Variants in BNC1 observed in about 807,000 individuals in gnomAD.
The protein encoded by BNC1 is zinc finger protein basonuclin-1.
A neutral mutation model predicts 66.5 loss-of-function variants in BNC1; 8 were observed. The ratio of observed to expected loss-of-function variants is 0.12; its 90% CI spans 0.07 to 0.22. The LOEUF is 0.22. Ranked by LOEUF, BNC1 falls within the 10% of genes least tolerant of loss-of-function variation. The pLI is 1.00. For synonymous variants in BNC1, 454 were observed against 452.6 expected (o/e 1.00, Z -0.04); for missense variants, 1,069 against 1,241.3 (o/e 0.86, Z 2.09).
chr15:83,263,412 T>G lies in BNC1; in HGVS notation c.1839A>C (p.Ser613=). 6.2e-7 allele frequency: 1 copy of G among 1,614,220 alleles called. No homozygotes were observed. Among genetic ancestry groups the G allele is most frequent in the Non-Finnish European group, 8.5e-7 (1 of 1,180,040 alleles). Residue 613 remains serine (S), a synonymous_variant, in exon 4 of 5, where the codon TCA becomes TCC. Transcript: ENST00000345382. ...PEGERPCHRE[S]VIESSGAISQ... ...TGATGGCTCCACTGGACTCAATTAC[T>G]GATTCACGATGGCAGGGCCTCTCCC... is the stretch of plus-strand genomic sequence containing the variant.
At chr15:83,283,377 A>G in intron 1 of BNC1, 1 of 1,344,638 alleles carries the variant, frequency 7.4e-7, no homozygotes, top group African/African-American at 1.6e-5. Flanking sequence ...GAGCAGCGGG[A>G]GACCCCGCAG....
At chr15:83,266,675 C>T (rs539172878) in intron 3 of BNC1, among the ~76,000 whole-genome samples, 161 bp downstream of exon 3, 4 of 151,972 alleles carry the variant, frequency 2.6e-5, no homozygotes, top group Non-Finnish European at 5.9e-5. Context: ...TGGACTCCCC[C>T]CAAGAACATG....
chr15:83,283,815 G>C (rs1567197632), intron 1 of BNC1, among the ~76,000 whole-genome samples: 1 of 152,244 alleles, frequency 6.6e-6, no homozygotes, highest in Non-Finnish European at 1.5e-5. Flanking sequence ...CACGGTCAAC[G>C]CTCGGTCTGT....
In BNC1 at chr15:83,275,677, G is replaced by A. The variant is rs2038314179; in HGVS notation, c.100-7445C>T. Among the ~76,000 whole-genome samples the A allele has an allele frequency of 2.0e-5, 3 of 152,082 alleles. No individual in the cohort carries two copies. The South Asian group carries it at 6.2e-4, about 32-fold the overall frequency. On this transcript the variant is annotated intron_variant, in intron 1 of 4. Coordinates refer to ENST00000345382, the MANE Select transcript of BNC1 (RefSeq NM_001717.4). ...GGTCATGTGCAGACTGGAGAGAGAG[G>A]AAGTATTTAAGGGAGAAGGCATAGC...
At chr15:83,284,318 G>T (rs910950071) in intron 1 of BNC1, among the ~76,000 whole-genome samples, 1 of 151,856 alleles carries the variant, frequency 6.6e-6, no homozygotes, top group Admixed American at 6.6e-5. Context: ...GGCAGGGACG[G>T]GTCCCAGAGC....
Position 83,264,499 on chromosome 15 carries a change from G to C in BNC1, c.752C>G (p.Pro251Arg). 1 of 1,614,168 alleles carries C rather than the reference G, an allele frequency of 6.2e-7. No homozygotes were observed. Among genetic ancestry groups the C allele is most frequent in the South Asian group, 1.1e-5 (1 of 91,086 alleles). ...TGACCCTATCAGTGCAGGAGGCAGA[G>C]GGTTGAAGAACTGGAAAGGCAGCAT... The part of the protein sequence containing the change: ...TFMLPFQFFN[P>R]LPPALIGSLP... The change falls in exon 4 of 5, where the codon CCT becomes CGT. Residue 251 changes from proline to arginine, a missense_variant. Pro to Arg is a moderately radical substitution (Grantham distance 103). Transcript: ENST00000345382.
chr15:83,273,467 G>A (rs1255775524), intron 1 of BNC1, among the ~76,000 whole-genome samples: 1 of 152,192 alleles, frequency 6.6e-6, no homozygotes, highest in Non-Finnish European at 1.5e-5. Flanking sequence ...ACATAAAGCA[G>A]ATGTTTACAA....
At chr15:83,258,255 G>GC in intron 4 of BNC1, 129 bp from the exon 5 acceptor site, 1 of 928,560 alleles carries the variant, frequency 1.1e-6, no homozygotes. Context: ...AAGGGGGTAG[G>GC]CCCCCATGGG....
intron 4 of BNC1, among the ~76,000 whole-genome samples, chr15:83,261,753 T>G (rs1428965401): frequency 6.6e-6 from 1 of 152,182 alleles, no homozygotes; most frequent in African/African-American, 2.4e-5. Flanking sequence ...TCATGAAAAC[T>G]CAGGATCTTT....
In BNC1 at chr15:83,257,841, C is replaced by G. The variant is rs142800358; in HGVS notation, c.2586G>C (p.Ser862=). 6.2e-7 allele frequency: 1 copy of G among 1,614,008 alleles called. No homozygotes were observed. The highest frequency in any genetic ancestry group is 8.5e-7 in the Non-Finnish European group (1 of 1,180,028). ...EGTILDLSTT[S]SMKSESSSHS... ...GGCTGCTACTCTCTGACTTCATGCTCGAGGTAGTGCTCAAATCCAGGATGG... is the reference window on the plus strand; with the variant it reads ...GGCTGCTACTCTCTGACTTCATGCTGGAGGTAGTGCTCAAATCCAGGATGG... The change falls in exon 5 of 5, where the codon TCG becomes TCC. Residue 862 remains serine, a synonymous_variant. Coordinates refer to ENST00000345382, the MANE Select transcript of BNC1 (RefSeq NM_001717.4).
intron 1 of BNC1, among the ~76,000 whole-genome samples, chr15:83,268,699 G>A (rs2038241290): frequency 6.6e-6 from 1 of 152,150 alleles, no homozygotes; most frequent in South Asian, 2.1e-4. Flanking sequence ...GGTAGAAGCT[G>A]AAAATACAAA....
intron 2 of BNC1, among the ~76,000 whole-genome samples, chr15:83,267,328 G>C (rs1264978479): frequency 6.6e-6 from 1 of 152,066 alleles, no homozygotes; most frequent in African/African-American, 2.4e-5. Flanking sequence ...AAACAAGGAA[G>C]GAATAAGGAA....
At chr15:83,272,143 A>G (rs188271949) in intron 1 of BNC1, among the ~76,000 whole-genome samples, 1 of 152,370 alleles carries the variant, frequency 6.6e-6, no homozygotes, top group Admixed American at 6.5e-5. Context: ...TCTTGATTCT[A>G]TAAATATGAC....
In BNC1 at chr15:83,264,421, T is replaced by C. The variant is rs369213315; in HGVS notation, c.830A>G (p.Lys277Arg). The C allele has an allele frequency of 3.2e-5, 51 of 1,614,084 alleles. No homozygotes were observed. The highest frequency in any genetic ancestry group is 3.5e-5 in the Non-Finnish European group (41 of 1,180,034). ...EQGHDQSQDP[K>R]QEVHGPFPDS... Reference sequence around the variant, plus strand: ...AGGGAAGGGCCCATGGACTTCCTGTTTGGGGTCCTGACTTTGGTCATGACC... The same window carrying C: ...AGGGAAGGGCCCATGGACTTCCTGTCTGGGGTCCTGACTTTGGTCATGACC... Residue 277 changes from lysine (K) to arginine (R), a missense_variant, in exon 4 of 5, where the codon AAA becomes AGA. By Grantham distance (26) the Lys-to-Arg change is conservative. This residue lies in a region of BNC1 where 181 missense variants were observed against 181.5 expected (regional missense o/e 1.00). Coordinates refer to ENST00000345382, the MANE Select transcript of BNC1 (RefSeq NM_001717.4).
rs1396322018 is a variant in BNC1 at position 83,264,502 on chromosome 15, T to C, written c.749A>G (p.Asn250Ser). 5 of 1,613,626 alleles carry C rather than the reference T, an allele frequency of 3.1e-6. No homozygotes were observed. The highest frequency in any genetic ancestry group is 2.2e-5 in the East Asian group (1 of 44,870). Reference protein sequence around the residue: ...MTFMLPFQFFNPLPPALIGSL... With the variant: ...MTFMLPFQFFSPLPPALIGSL... The stretch of plus-strand genomic sequence containing the variant: ...CCCTATCAGTGCAGGAGGCAGAGGG[T>C]TGAAGAACTGGAAAGGCAGCATGAA... The change falls in exon 4 of 5, where the codon AAC (asparagine) becomes AGC (serine). Residue 250 changes from asparagine to serine, a missense_variant. Physicochemically the swap from Asn to Ser is conservative, Grantham distance 46 (BLOSUM62 1). This residue lies in a region of BNC1 where 181 missense variants were observed against 181.5 expected (regional missense o/e 1.00). Coordinates refer to ENST00000345382, the MANE Select transcript of BNC1 (RefSeq NM_001717.4).
chr15:83,277,668 T>C (rs1212768533), intron 1 of BNC1, among the ~76,000 whole-genome samples: 1 of 152,164 alleles, frequency 6.6e-6, no homozygotes, highest in Non-Finnish European at 1.5e-5. Flanking sequence ...CTAACGTGCA[T>C]ATCAAAAACT....
At chr15:83,266,566 G>A (rs2038219984) in intron 3 of BNC1, among the ~76,000 whole-genome samples, 1 of 152,186 alleles carries the variant, frequency 6.6e-6, no homozygotes, top group African/African-American at 2.4e-5. Context: ...CACCTGAAAT[G>A]GGGCAAATGG....
chr15:83,267,153 C>A (rs1206624948), intron 2 of BNC1, 82 bp from the exon 3 acceptor site: 6 of 1,042,228 alleles, frequency 5.8e-6, no homozygotes, highest in Non-Finnish European at 8.6e-6. Context: ...AGGTTAGGAC[C>A]AATTCTTGGT....
intron 1 of BNC1, chr15:83,283,534 G>C (rs985416608): frequency 2.0e-6 from 2 of 984,554 alleles, no homozygotes; most frequent in African/African-American, 3.5e-5. Flanking sequence ...AAGGGAGCTC[G>C]AAGTCGGGGG....
Sources: gnomAD v4.1 joint callset for allele counts (sites outside exome capture counted in the v4.1 genomes callset) on GRCh38, gnomAD v4.1.1 for gene constraint, gnomAD v4.1.1 regional missense constraint, MANE v1.5 for transcripts, NCBI Gene and HGNC (gene_info 2026-07-23, HGNC 2026-07-21) for gene names.